The following CAPN13 variants were observed in gnomAD, a reference collection of about 807,000 sequenced individuals.
The protein encoded by CAPN13 is calpain-13.
In CAPN13, 90 loss-of-function variants were observed where a neutral mutation model predicts 98.4. That is an observed-to-expected ratio of 0.92 (90% confidence interval 0.77 to 1.09). CAPN13 has a LOEUF of 1.09. Ranked by LOEUF, CAPN13 falls within the 50% of genes least tolerant of loss-of-function variation. The pLI, the probability that CAPN13 is intolerant of heterozygous loss-of-function variation, is 0.00. For synonymous variants in CAPN13, 330 were observed against 305.5 expected, an observed-to-expected ratio of 1.08 and a Z score of -0.84; for missense variants, 887 against 841.3, an observed-to-expected ratio of 1.05 and a Z score of -0.67.
chr2:30,765,385 G>A (rs1673060033), intron 5 of CAPN13, among the ~76,000 whole-genome samples: 1 of 152,232 alleles, frequency 6.6e-6, no homozygotes. Context: ...CTTCTCGCCA[G>A]GGACCTACAC....
chr2:30,762,188 G>A lies in CAPN13; in HGVS notation c.774+894C>T, dbSNP rs72783032. On this transcript the variant is annotated intron_variant, in intron 7 of 22. Transcript: ENST00000295055. ...TCTCAGATGCTATCTATCTAACCTC[G>A]TGAAAGACATCTCTCCTATCAGGTC... 8.2e-3 allele frequency among the ~76,000 whole-genome samples: 1,252 copies of A among 152,272 alleles called. 10 individuals carry two copies. The highest frequency in any genetic ancestry group is 0.011 in the Non-Finnish European group (755 of 68,008).
At chr2:30,753,331 C>A in intron 9 of CAPN13, 133 bp from the exon 10 acceptor site, 4 of 897,152 alleles carry the variant, frequency 4.5e-6, no homozygotes, top group Non-Finnish European at 6.9e-6. Context: ...CACCATCAAG[C>A]ACCCTTCTAT....
At chr2:30,803,072 C>T (rs1178145409) in intron 1 of CAPN13, among the ~76,000 whole-genome samples, 5 of 152,138 alleles carry the variant, frequency 3.3e-5, no homozygotes, top group East Asian at 1.9e-4. Flanking sequence ...CCATGCCATC[C>T]GACTGTATCT....
At chr2:30,724,826 C>G (rs1438991629) in intron 22 of CAPN13, among the ~76,000 whole-genome samples, 1 of 151,778 alleles carries the variant, frequency 6.6e-6, no homozygotes, top group Non-Finnish European at 1.5e-5. Flanking sequence ...CCAGGTCTCT[C>G]GAAAAGAATT....
chr2:30,805,148 G>T (rs1489998182), intron 1 of CAPN13, among the ~76,000 whole-genome samples: 2 of 152,200 alleles, frequency 1.3e-5, no homozygotes, highest in African/African-American at 4.8e-5. Flanking sequence ...AGCTGGAAGT[G>T]CAGGACAGTT....
rs1572826656 is a variant in CAPN13 at position 30,757,583 on chromosome 2, A to T, written c.866+463T>A. Among the ~76,000 whole-genome samples the T allele has an allele frequency of 2.0e-5, 3 of 152,188 alleles. No homozygotes were observed. In the East Asian group the frequency reaches 5.8e-4, roughly 29 times the overall value. On this transcript the variant is annotated intron_variant, in intron 8 of 22. Coordinates refer to ENST00000295055, the MANE Select transcript of CAPN13 (RefSeq NM_144575.3). ...GTTTCCCCAACTGCCCCCAGTTAGG[A>T]CACCTTTTCCACCCTGATGATGTGA...
intron 9 of CAPN13, among the ~76,000 whole-genome samples, chr2:30,753,822 C>T (rs747368124): frequency 1.6e-4 from 25 of 152,092 alleles, no homozygotes; most frequent in Non-Finnish European, 2.8e-4. Flanking sequence ...TGGCCGAGAA[C>T]GTGTTTTCAA....
chr2:30,794,666 A>C (rs1168834883), intron 1 of CAPN13, among the ~76,000 whole-genome samples: 1 of 152,010 alleles, frequency 6.6e-6, no homozygotes, highest in East Asian at 1.9e-4. Flanking sequence ...GTGAATGAAT[A>C]AATTGTGATG....
At chr2:30,726,951 T>C (rs1670879464) in intron 22 of CAPN13, among the ~76,000 whole-genome samples, 1 of 152,116 alleles carries the variant, frequency 6.6e-6, no homozygotes, top group Non-Finnish European at 1.5e-5. Flanking sequence ...AAAGTTACTA[T>C]AAAATTGTAG....
In CAPN13 at chr2:30,750,963, A is replaced by C. The variant is rs960244261; in HGVS notation, c.1236+140T>G. 4 of 947,644 alleles carry C rather than the reference A, an allele frequency of 4.2e-6. No individual in the cohort carries two copies. In the East Asian group the frequency reaches 1.1e-4, roughly 25 times the overall value. The allele number at this position is 947,644 out of a possible 1,614,324, so 58.7% of individuals were successfully genotyped here. On this transcript the variant is annotated intron_variant, in intron 11 of 22. Coordinates refer to ENST00000295055, the MANE Select transcript of CAPN13 (RefSeq NM_144575.3). ...TTTTGCACATTTAGACTTGGACTGC[A>C]TGAATGCTACAGCCTCTTTGGGCTT...
intron 7 of CAPN13, among the ~76,000 whole-genome samples, chr2:30,762,791 C>T (rs77535373): frequency 0.019 from 2,855 of 152,338 alleles, 54 homozygotes; most frequent in Non-Finnish European, 0.032. Context: ...ATTCTACCTC[C>T]TTTGGGGCTA....
Position 30,734,523 on chromosome 2 carries a change from T to G in CAPN13, c.1724A>C (p.His575Pro). The G allele has an allele frequency of 6.2e-7, 1 of 1,613,120 alleles. No homozygotes were observed. Among genetic ancestry groups the G allele is most frequent in the Non-Finnish European group, 8.5e-7 (1 of 1,179,180 alleles). The change falls in exon 19 of 23, where the codon CAT (histidine) becomes CCT (proline). Residue 575 changes from histidine (H) to proline (P), a missense_variant and splice_region_variant. Physicochemically the swap from His to Pro is moderately conservative, Grantham distance 77 (BLOSUM62 -2). Coordinates refer to ENST00000295055, the MANE Select transcript of CAPN13 (RefSeq NM_144575.3). ...RLWKRLVHYQ[H>P]VFQKVQTSPG... Reference sequence around the variant, plus strand: ...GCTTGTCTGAACCTTCTGGAAAACATGCTAATAGGGGAAGAGAAGCAAGAA... The same window carrying G: ...GCTTGTCTGAACCTTCTGGAAAACAGGCTAATAGGGGAAGAGAAGCAAGAA...
Position 30,734,471 on chromosome 2 carries a change from C to A in CAPN13, c.1776G>T (p.Leu592Phe). 3 of 1,613,964 alleles carry A rather than the reference C, an allele frequency of 1.9e-6. No homozygotes were observed. The highest frequency in any genetic ancestry group is 1.1e-5 in the South Asian group (1 of 91,064). The change falls in exon 19 of 23, where the codon TTG becomes TTT. Residue 592 changes from leucine (L) to phenylalanine (F), a missense_variant. Transcript: ENST00000295055. The part of the protein sequence containing the change: ...TSPGVLLSSD[L>F]WKAIENTDFL... ...TACCTGTATTCTCTATGGCCTTCCA[C>A]AAGTCCGAGCTCAGGAGGACTCCAG...
At chr2:30,764,529 G>T (rs1572841183) in intron 5 of CAPN13, among the ~76,000 whole-genome samples, 1 of 152,148 alleles carries the variant, frequency 6.6e-6, no homozygotes, top group African/African-American at 2.4e-5. Flanking sequence ...GGTCCCCCAG[G>T]CCTGCACAGT....
intron 6 of CAPN13, 105 bp downstream of exon 6, chr2:30,764,027 A>T: frequency 1.7e-6 from 2 of 1,155,030 alleles, no homozygotes; most frequent in Non-Finnish European, 2.5e-6. Flanking sequence ...GTGTTCGTTA[A>T]TGGTGGCAGC....
chr2:30,795,070 G>T (rs1375772704), intron 1 of CAPN13, among the ~76,000 whole-genome samples: 2 of 151,928 alleles, frequency 1.3e-5, no homozygotes, highest in African/African-American at 4.8e-5. Flanking sequence ...AATTTATATA[G>T]TCTTCTGTAA....
intron 8 of CAPN13, among the ~76,000 whole-genome samples, chr2:30,755,616 T>A (rs1672404405): frequency 6.6e-6 from 1 of 152,038 alleles, no homozygotes; most frequent in Admixed American, 6.6e-5. Flanking sequence ...AGGGGAGGCA[T>A]GCTTGTAAGC....
At position 30,762,950 on chromosome 2, in the gene CAPN13, A is replaced by G. The variant is rs1572838090; in HGVS notation, c.774+132T>C. The G allele has an allele frequency of 5.9e-6, 4 of 676,270 alleles. No individual in the cohort carries two copies. The East Asian group carries it at 8.7e-5, about 15-fold the overall frequency. 41.9% of individuals were successfully genotyped at this position (676,270 alleles called of 1,614,324 possible). A position where few individuals can be genotyped will look rare whatever the true frequency, so the allele number is the denominator to read the frequency against. On this transcript the variant is annotated intron_variant, in intron 7 of 22. Coordinates refer to ENST00000295055, the MANE Select transcript of CAPN13 (RefSeq NM_144575.3). ...GAGGCTGTCCATGGTGCATGTCACC[A>G]CAGAGGCAAGGGCGATATATCCTCA...
intron 1 of CAPN13, among the ~76,000 whole-genome samples, chr2:30,801,604 TAAAA>T (rs10609363): frequency 0.033 from 2,656 of 79,860 alleles, 91 homozygotes; most frequent in African/African-American, 0.11. Context: ...GACTCAGTCT[TAAAA>T]AAAAAAAAAA....
Sources: gnomAD v4.1 joint callset for allele counts (sites outside exome capture counted in the v4.1 genomes callset) on GRCh38, gnomAD v4.1.1 for gene constraint, MANE v1.5 for transcripts, NCBI Gene and HGNC (gene_info 2026-07-23, HGNC 2026-07-21) for gene names.